Variants in DHPS observed in about 807,000 individuals in gnomAD.
The protein encoded by DHPS is migration-inducing gene 13.
In DHPS, 24 loss-of-function variants were observed where a neutral mutation model predicts 38.7. That is an observed-to-expected ratio of 0.62 (90% confidence interval 0.45 to 0.87). The LOEUF is 0.87. Ranked by LOEUF, DHPS falls within the 40% of genes least tolerant of loss-of-function variation. The pLI, the probability that DHPS is intolerant of heterozygous loss-of-function variation, is 0.00. For synonymous variants in DHPS, 250 were observed against 204.4 expected, an observed-to-expected ratio of 1.22 and a Z score of -1.90; for missense variants, 510 against 497.6, an observed-to-expected ratio of 1.02 and a Z score of -0.24.
rs763615496 is a variant in DHPS at position 12,681,815 on chromosome 19, C to G, written c.-49G>C. On this transcript the variant is annotated 5_prime_UTR_variant, in exon 1 of 9. Coordinates refer to ENST00000210060, the MANE Select transcript of DHPS (RefSeq NM_001930.4). ...CAAAGCTGCCCCTAGGCCGGGCTTA[C>G]GGCGGCCCAGAAACGCGTTAAACCC... 5.8e-6 allele frequency: 9 copies of G among 1,554,664 alleles called. No individual in the cohort carries two copies. Among genetic ancestry groups the G allele is most frequent in the Admixed American group, 1.7e-5 (1 of 57,510 alleles).
rs1568319382 is a variant in DHPS, at chr19:12,679,700, GCACCAGCAGGT to G, written c.503_513del (p.Asn168ThrfsTer3). 1.2e-6 allele frequency: 2 copies of G among 1,614,126 alleles called. No individual in the cohort carries two copies. The highest frequency in any genetic ancestry group is 3.3e-5 in the Admixed American group (2 of 60,014). ...TCAAACTTGCAGTAATTCTCATTGG[GCACCAGCAGGT>G]TTCCGATCCTGAGAACAGGAGGCAT... On this transcript the variant is annotated frameshift_variant, in exon 4 of 9. Coordinates refer to ENST00000210060, the MANE Select transcript of DHPS (RefSeq NM_001930.4). LOFTEE classifies it high-confidence loss of function.
chr19:12,677,949 C>T (rs1219638866), intron 5 of DHPS, among the ~76,000 whole-genome samples: 3 of 148,556 alleles, frequency 2.0e-5, no homozygotes, highest in Admixed American at 6.7e-5. Flanking sequence ...CCGTCTAATT[C>T]TTTTTTAAAG....
intron 7 of DHPS, 46 bp from the exon 8 acceptor site, chr19:12,676,188 G>GAGAGAC (rs1568317237): frequency 6.4e-7 from 1 of 1,556,306 alleles, no homozygotes; most frequent in South Asian, 1.2e-5. Context: ...CCAGTCACAG[G>GAGAGAC]AGACAGACAC....
chr19:12,677,467 G>A (rs975024793), intron 5 of DHPS, 71 bp from the exon 6 acceptor site: 1 of 1,307,860 alleles, frequency 7.6e-7, no homozygotes. Flanking sequence ...ATGACTATCT[G>A]ACTGTGGATG....
Position 12,675,847 on chromosome 19 carries a change from G to A in DHPS, c.1101C>T (p.Asn367=), listed in dbSNP as rs17851085. Residue 367 remains asparagine (N), a synonymous_variant, in exon 9 of 9, where the codon AAC becomes AAT. Transcript: ENST00000210060. The stretch of plus-strand genomic sequence containing the variant: ...CTGGGACCGCAGCCGCTCAGTCCTC[G>A]TTCTTCTCATGCATGAAGGCATCCA... ...QKMDAFMHEK[N]ED The A allele has an allele frequency of 3.7e-6, 6 of 1,602,398 alleles. No individual in the cohort carries two copies. The highest frequency in any genetic ancestry group is 2.2e-5 in the South Asian group (2 of 89,632).
In DHPS at chr19:12,677,099, C is replaced by T. The variant is rs2145348079; in HGVS notation, c.888+9G>A. ...CTGCAGAGTGGGCCGAAGCGCCACCCCCACTCACCATGAGGTTGGCATTGG... is the reference window on the plus strand; with the variant it reads ...CTGCAGAGTGGGCCGAAGCGCCACCTCCACTCACCATGAGGTTGGCATTGG... On this transcript the variant is annotated intron_variant, in intron 7 of 8. Coordinates refer to ENST00000210060, the MANE Select transcript of DHPS (RefSeq NM_001930.4). 1 of 1,613,704 alleles carries T rather than the reference C, an allele frequency of 6.2e-7. No individual in the cohort carries two copies. Among genetic ancestry groups the T allele is most frequent in the Non-Finnish European group, 8.5e-7 (1 of 1,179,662 alleles).
chr19:12,678,867 A>G (rs1303299242), intron 5 of DHPS, among the ~76,000 whole-genome samples: 1 of 133,036 alleles, frequency 7.5e-6, no homozygotes, highest in African/African-American at 2.9e-5. Flanking sequence ...CTTATTTTAT[A>G]GCATCTGGGA....
At chr19:12,672,634 CAGA>C (rs2024456439), downstream of DHPS, 1 of 583,924 alleles carries the variant, frequency 1.7e-6, no homozygotes, top group Non-Finnish European at 3.1e-6. Flanking sequence ...AAGGGGGAAT[CAGA>C]AGGACTCCAA....
intron 5 of DHPS, 150 bp from the exon 6 acceptor site, chr19:12,677,546 G>A (rs2024650817): frequency 1.5e-6 from 1 of 655,186 alleles, no homozygotes; most frequent in Non-Finnish European, 2.6e-6. Context: ...CACAGATGAG[G>A]CCTATATGAG....
At chr19:12,673,213 A>AT, downstream of DHPS, 1 of 1,614,016 alleles carries the variant, frequency 6.2e-7, no homozygotes. Context: ...TACAAGGGCC[A>AT]TAAGAACCAG....
At chr19:12,675,307 C>T (rs566655996), downstream of DHPS, among the ~76,000 whole-genome samples, 21 of 152,196 alleles carry the variant, frequency 1.4e-4, no homozygotes, top group African/African-American at 4.1e-4. Context: ...CCAAGACTTG[C>T]GGCCTGAACA....
At chr19:12,679,333 G>A in intron 5 of DHPS, 124 bp downstream of exon 5, 1 of 922,840 alleles carries the variant, frequency 1.1e-6, no homozygotes, top group Non-Finnish European at 1.7e-6. Flanking sequence ...ATCTGTGTTT[G>A]AGTCTCCTCA....
At chr19:12,673,006 A>G, downstream of DHPS, 2 of 1,612,952 alleles carry the variant, frequency 1.2e-6, no homozygotes, top group Non-Finnish European at 1.7e-6. Flanking sequence ...CCTTCCCCCA[A>G]GGCCCCATCA....
At chr19:12,680,439 G>T in intron 1 of DHPS, 114 bp from the exon 2 acceptor site, 1 of 1,128,258 alleles carries the variant, frequency 8.9e-7, no homozygotes, top group South Asian at 1.4e-5. Flanking sequence ...AGGGATACAG[G>T]ACCAGTTCTA....
downstream of DHPS, chr19:12,672,637 A>G: frequency 1.7e-6 from 1 of 586,590 alleles, no homozygotes. Context: ...GGGGAATCAG[A>G]AGGACTCCAA....
Position 12,679,508 on chromosome 19 carries a change from C to T in DHPS, c.627G>A (p.Arg209=), listed in dbSNP as rs2024727154. The part of the protein sequence containing the change: ...VKWTPSKMIA[R]LGKEINNPES... Reference sequence around the variant, plus strand: ...CTGGGTTGTTGATCTCCTTGCCCAGCCGGGCGATCATCTTAGAAGGCGTCC... The same window carrying T: ...CTGGGTTGTTGATCTCCTTGCCCAGTCGGGCGATCATCTTAGAAGGCGTCC... The change falls in exon 5 of 9, where the codon CGG becomes CGA. Residue 209 remains arginine (R), a synonymous_variant. Transcript: ENST00000210060. The T allele has an allele frequency of 1.2e-6, 2 of 1,614,164 alleles. No homozygotes were observed. Among genetic ancestry groups the T allele is most frequent in the Non-Finnish European group, 1.7e-6 (2 of 1,180,024 alleles).
At chr19:12,675,643 G>A (rs1210397288), downstream of DHPS, 2 of 1,601,792 alleles carry the variant, frequency 1.2e-6, no homozygotes, top group Middle Eastern at 3.3e-4. Flanking sequence ...GCGAGAGGAG[G>A]CCTATGAGGC....
intron 5 of DHPS, among the ~76,000 whole-genome samples, chr19:12,678,458 C>A (rs2024688375): frequency 6.6e-6 from 1 of 151,848 alleles, no homozygotes; most frequent in Non-Finnish European, 1.5e-5. Flanking sequence ...CAGAATGAGA[C>A]CCTGTCTCGT....
rs138578372 is a variant in DHPS at position 12,676,039 on chromosome 19, C to T, written c.992G>A (p.Arg331Gln). ...PDEAVSWGKI[R>Q]VDAQPVKVYA... The stretch of plus-strand genomic sequence containing the variant: ...TACCTTGACGGGCTGTGCATCCACC[C>T]GGATCTTGCCCCAGGAGACAGCCTC... The change falls in exon 8 of 9, where the codon CGG becomes CAG. Residue 331 changes from arginine to glutamine, a missense_variant. By Grantham distance (43) the Arg-to-Gln change is conservative. Transcript: ENST00000210060. 13 of 1,614,072 alleles carry T rather than the reference C, an allele frequency of 8.1e-6. No homozygotes were observed. Among genetic ancestry groups the T allele is most frequent in the South Asian group, 1.1e-5 (1 of 91,078 alleles).
Sources: allele counts gnomAD v4.1 joint callset (sites outside exome capture counted in the v4.1 genomes callset), GRCh38; gene constraint gnomAD v4.1.1; transcripts MANE v1.5; gene names NCBI Gene and HGNC (gene_info 2026-07-23, HGNC 2026-07-21).